The following GPR158 variants were observed in gnomAD, a reference collection of about 807,000 sequenced individuals.
The protein encoded by GPR158 is G protein-coupled receptor 158, also known as metabotropic glycine receptor.
In GPR158, 30 loss-of-function variants were observed where a neutral mutation model predicts 78.2. That is an observed-to-expected ratio of 0.38 (90% confidence interval 0.29 to 0.52). GPR158 has a LOEUF of 0.52. Ranked by LOEUF, GPR158 falls within the 20% of genes least tolerant of loss-of-function variation. The pLI is 0.83. For synonymous variants in GPR158, 581 were observed against 591.1 expected (o/e 0.98, Z 0.25); for missense variants, 1,463 against 1,523.5 (o/e 0.96, Z 0.66).
chr10:25,571,493 A>G (rs1837007502), intron 6 of GPR158, among the ~76,000 whole-genome samples: 1 of 152,240 alleles, frequency 6.6e-6, no homozygotes, highest in Admixed American at 6.5e-5. Context: ...AAAATTATTC[A>G]AAGAATGAAG....
chr10:25,258,654 C>G (rs1320380896), intron 2 of GPR158, among the ~76,000 whole-genome samples: 2 of 151,788 alleles, frequency 1.3e-5, no homozygotes, highest in South Asian at 2.1e-4. Flanking sequence ...CCATACGAAC[C>G]AAGGGTCAGC....
intron 1 of GPR158, among the ~76,000 whole-genome samples, chr10:25,199,178 G>A (rs929160027): frequency 2.0e-5 from 3 of 149,598 alleles, no homozygotes; most frequent in African/African-American, 5.0e-5. Flanking sequence ...GTACAGGTCT[G>A]TTATGTAAGT....
intron 2 of GPR158, among the ~76,000 whole-genome samples, chr10:25,393,257 G>C (rs1834325206): frequency 6.6e-6 from 1 of 152,160 alleles, no homozygotes; most frequent in East Asian, 1.9e-4. Flanking sequence ...CTGAGTCACT[G>C]TTGCAGTGCT....
At chr10:25,557,793 C>T (rs1417226890) in intron 6 of GPR158, among the ~76,000 whole-genome samples, 1 of 152,176 alleles carries the variant, frequency 6.6e-6, no homozygotes, top group Non-Finnish European at 1.5e-5. Flanking sequence ...AAATCTGTAA[C>T]ATCAATGAGT....
At chr10:25,316,431 T>C (rs1854850176) in intron 2 of GPR158, among the ~76,000 whole-genome samples, 1 of 152,202 alleles carries the variant, frequency 6.6e-6, no homozygotes, top group Non-Finnish European at 1.5e-5. Context: ...TGGTGACCAT[T>C]TGCAAATGGT....
chr10:25,319,541 C>T (rs1035652260), intron 2 of GPR158, among the ~76,000 whole-genome samples: 2 of 151,994 alleles, frequency 1.3e-5, no homozygotes, highest in Admixed American at 1.3e-4. Flanking sequence ...CTAATGTGAA[C>T]GGGTAAAATT....
At position 25,594,102 on chromosome 10, in the gene GPR158, T is replaced by C; in HGVS notation, c.1893-190T>C. The C allele has an allele frequency of 6.1e-6, 3 of 494,892 alleles. No individual in the cohort carries two copies. The South Asian group carries it at 7.8e-5, about 13-fold the overall frequency. 30.7% of individuals were successfully genotyped at this position (494,892 alleles called of 1,614,324 possible). On this transcript the variant is annotated intron_variant, in intron 8 of 10. Transcript: ENST00000376351. ...GTTAATCTAAAATCATAATAAAGGG[T>C]TCATATATTATGCATCAAATTAAGC...
At chr10:25,438,501 G>A (rs1484854119) in intron 4 of GPR158, among the ~76,000 whole-genome samples, 2 of 152,128 alleles carry the variant, frequency 1.3e-5, no homozygotes, top group African/African-American at 4.8e-5. Flanking sequence ...ATTCTTCAGC[G>A]CATTTACAGC....
At chr10:25,444,315 G>A (rs1835108668) in intron 4 of GPR158, among the ~76,000 whole-genome samples, 1 of 151,914 alleles carries the variant, frequency 6.6e-6, no homozygotes, top group Non-Finnish European at 1.5e-5. Flanking sequence ...ATGACTGTAT[G>A]TGTGGGTGTG....
Position 25,247,918 on chromosome 10 carries a change from TTACA to T in GPR158, c.1008+26762_1008+26765del, listed in dbSNP as rs1433664815. 2.0e-5 allele frequency among the ~76,000 whole-genome samples: 3 copies of T among 148,722 alleles called. No homozygotes were observed. In the East Asian group the frequency reaches 6.0e-4, roughly 30 times the overall value. Reference sequence around the variant, plus strand: ...TGACTTCCACAATGGTTGAACTAGTTTACAGTCCCACCAACAATGTAAAAGTGTT... The same window carrying T: ...TGACTTCCACAATGGTTGAACTAGTTGTCCCACCAACAATGTAAAAGTGTT... On this transcript the variant is annotated intron_variant, in intron 2 of 10. Transcript: ENST00000376351.
At chr10:25,380,726 A>G (rs2130564532) in intron 2 of GPR158, among the ~76,000 whole-genome samples, 1 of 152,332 alleles carries the variant, frequency 6.6e-6, no homozygotes, top group African/African-American at 2.4e-5. Context: ...AAATAATGGT[A>G]AGATCACTCT....
Position 25,251,017 on chromosome 10 carries a change from T to A in GPR158, c.1008+29860T>A, listed in dbSNP as rs1853789594. Among the ~76,000 whole-genome samples the A allele has an allele frequency of 2.6e-5, 4 of 152,010 alleles. No individual in the cohort carries two copies. In the South Asian group the frequency reaches 8.3e-4, roughly 32 times the overall value. ...TGCTCCTGTATTGGGTGCATATATA[T>A]TTAGGATAGTTAGCTCTTCTTGTTG... On this transcript the variant is annotated intron_variant, in intron 2 of 10. Transcript: ENST00000376351.
intron 2 of GPR158, among the ~76,000 whole-genome samples, chr10:25,324,641 C>G (rs1402309253): frequency 2.0e-5 from 3 of 152,004 alleles, no homozygotes; most frequent in Non-Finnish European, 4.4e-5. Context: ...AAATGGTGCC[C>G]ATAGACTCGC....
chr10:25,517,502 G>A (rs1339755932), intron 5 of GPR158, among the ~76,000 whole-genome samples: 1 of 152,076 alleles, frequency 6.6e-6, no homozygotes, highest in East Asian at 1.9e-4. Context: ...GATATAGGCT[G>A]TGGGTTTGTC....
intron 3 of GPR158, among the ~76,000 whole-genome samples, chr10:25,405,980 A>G (rs992857875): frequency 2.0e-5 from 3 of 152,082 alleles, no homozygotes; most frequent in Non-Finnish European, 2.9e-5. Context: ...ATTCTATTCT[A>G]TATGAATGCT....
intron 5 of GPR158, among the ~76,000 whole-genome samples, chr10:25,474,023 G>A (rs1011382165): frequency 6.6e-6 from 1 of 152,086 alleles, no homozygotes; most frequent in African/African-American, 2.4e-5. Context: ...TGTGACCATG[G>A]ATCCTAAGTG....
chr10:25,513,772 T>G (rs1391552488), intron 5 of GPR158, among the ~76,000 whole-genome samples: 3 of 152,178 alleles, frequency 2.0e-5, no homozygotes, highest in African/African-American at 7.2e-5. Context: ...ATTTCATTTT[T>G]GACCCAATGA....
intron 6 of GPR158, among the ~76,000 whole-genome samples, chr10:25,553,922 G>C (rs1836756457): frequency 6.6e-6 from 1 of 152,192 alleles, no homozygotes; most frequent in Admixed American, 6.6e-5. Context: ...AGATGGTAAA[G>C]TTGTAGGGAC....
chr10:25,395,854 C>T lies in GPR158; in HGVS notation c.1009-57C>T. ...TTTGCAATGATGGATATCTGCGAGC[C>T]TTTATACCATGAGATAAGCCATGAT... On this transcript the variant is annotated intron_variant, in intron 2 of 10. Coordinates refer to ENST00000376351, the MANE Select transcript of GPR158 (RefSeq NM_020752.3). 4 of 827,752 alleles carry T rather than the reference C, an allele frequency of 4.8e-6. No individual in the cohort carries two copies. In the Admixed American group the frequency reaches 7.6e-5, roughly 16 times the overall value. 51.3% of individuals were successfully genotyped at this position (827,752 alleles called of 1,614,324 possible). A position where few individuals can be genotyped will look rare whatever the true frequency, so the allele number is the denominator to read the frequency against.
Sources: allele counts gnomAD v4.1 joint callset (sites outside exome capture counted in the v4.1 genomes callset), GRCh38; gene constraint gnomAD v4.1.1; transcripts MANE v1.5; gene names NCBI Gene and HGNC (gene_info 2026-07-23, HGNC 2026-07-21).